The following RBBP8 variants were observed in gnomAD, a reference collection of about 807,000 sequenced individuals.
The protein encoded by RBBP8 is RB binding protein 8, endonuclease.
In RBBP8, 88 loss-of-function variants were observed where a neutral mutation model predicts 108.3. The ratio of observed to expected loss-of-function variants is 0.81; its 90% CI spans 0.68 to 0.97. RBBP8 has a LOEUF of 0.97. RBBP8 is among the 50% of genes least tolerant of loss of function. The pLI is 0.00. For missense variants in RBBP8, 1,023 were observed against 1,049.0 expected, an observed-to-expected ratio of 0.98 and a Z score of 0.34; for synonymous variants, 332 against 348.2, an observed-to-expected ratio of 0.95 and a Z score of 0.52.
At chr18:22,947,842 AT>A (rs1387398598) in intron 3 of RBBP8, among the ~76,000 whole-genome samples, 1 of 152,040 alleles carries the variant, frequency 6.6e-6, no homozygotes, top group Non-Finnish European at 1.5e-5. Flanking sequence ...TGACCTGAAT[AT>A]TTTATTAAGT....
chr18:22,996,362 C>T lies in RBBP8; in HGVS notation c.1940-12C>T. 1 of 1,612,956 alleles carries T rather than the reference C, an allele frequency of 6.2e-7. No individual in the cohort carries two copies. The highest frequency in any genetic ancestry group is 8.5e-7 in the Non-Finnish European group (1 of 1,179,700). Reference sequence around the variant, plus strand: ...CAGTTTTTTAATTGCATGCTCTTTCCCTTTACCTAAGATGTATCCTTTGAA... The same window carrying T: ...CAGTTTTTTAATTGCATGCTCTTTCTCTTTACCTAAGATGTATCCTTTGAA... On this transcript the variant is annotated splice_polypyrimidine_tract_variant and intron_variant, in intron 12 of 18. Coordinates refer to ENST00000327155, the MANE Select transcript of RBBP8 (RefSeq NM_002894.3).
At chr18:23,003,807 A>G (rs539793027) in intron 15 of RBBP8, among the ~76,000 whole-genome samples, 57 of 152,262 alleles carry the variant, frequency 3.7e-4, no homozygotes, top group Admixed American at 6.5e-4. Flanking sequence ...AAGATTCCTC[A>G]GAAAACTAAA....
At chr18:22,974,902 C>T (rs1272091052) in intron 5 of RBBP8, among the ~76,000 whole-genome samples, 1 of 152,178 alleles carries the variant, frequency 6.6e-6, no homozygotes. Flanking sequence ...GAAGTACCCT[C>T]TTTTGCCTGC....
rs183302344 is a variant in RBBP8 at position 22,942,882 on chromosome 18, C to T, written c.110-3562C>T. Reference sequence around the variant, plus strand: ...ATAAATGATCTTTTGCCTATGCCAGCGTCTGCTATTAACATCTAGCTAATA... The same window carrying T: ...ATAAATGATCTTTTGCCTATGCCAGTGTCTGCTATTAACATCTAGCTAATA... On this transcript the variant is annotated intron_variant, in intron 2 of 18. Transcript: ENST00000327155. 2.7e-3 allele frequency among the ~76,000 whole-genome samples: 407 copies of T among 152,068 alleles called. 6 individuals carry two copies. Among genetic ancestry groups the T allele is most frequent in the East Asian group, 0.021 (107 of 5,192 alleles).
upstream of RBBP8, among the ~76,000 whole-genome samples, chr18:22,928,509 A>C (rs1485437007): frequency 6.6e-6 from 1 of 152,156 alleles, no homozygotes; most frequent in East Asian, 1.9e-4. Flanking sequence ...AAAACATTGT[A>C]TGAGCCAAGA....
intron 2 of RBBP8, chr18:22,937,230 G>A (rs939932950): frequency 1.6e-4 from 73 of 445,700 alleles, no homozygotes; most frequent in Non-Finnish European, 2.7e-4. Context: ...CCTCATGTAG[G>A]TCCCAGTACC....
intron 4 of RBBP8, among the ~76,000 whole-genome samples, chr18:22,959,703 ATTGT>A (rs1167621282): frequency 6.7e-6 from 1 of 149,230 alleles, no homozygotes; most frequent in African/African-American, 2.5e-5. Flanking sequence ...TTATTTGTTG[ATTGT>A]TGCTGTATAT....
intron 4 of RBBP8, among the ~76,000 whole-genome samples, chr18:22,951,193 T>C (rs1305017459): frequency 2.6e-5 from 4 of 152,196 alleles, no homozygotes; most frequent in Admixed American, 2.6e-4. Context: ...CCTTGCTGTC[T>C]TAGGTGTTGC....
At chr18:22,914,909 G>C (rs2060668333) in intron 1 of RBBP8, among the ~76,000 whole-genome samples, 1 of 152,090 alleles carries the variant, frequency 6.6e-6, no homozygotes. Context: ...TATTAGGTCT[G>C]AAAAACTTTT....
chr18:22,968,971 A>G, intron 5 of RBBP8, 53 bp downstream of exon 5: 1 of 1,348,132 alleles, frequency 7.4e-7, no homozygotes. Flanking sequence ...ATTATTTTTA[A>G]GACCTATTAG....
chr18:22,931,887 A>AT (rs145319765), upstream of RBBP8, among the ~76,000 whole-genome samples: 3 of 152,086 alleles, frequency 2.0e-5, no homozygotes, highest in Non-Finnish European at 4.4e-5. Flanking sequence ...AGAAGTTCAA[A>AT]TTTTTTTCTG....
intron 4 of RBBP8, among the ~76,000 whole-genome samples, chr18:22,953,703 A>G (rs1165177218): frequency 2.0e-5 from 3 of 151,732 alleles, no homozygotes; most frequent in South Asian, 2.1e-4. Flanking sequence ...TCTCCTTCCC[A>G]TTAAATTACT....
Position 22,917,457 on chromosome 18 carries a change from T to C in RBBP8, c.-154+431T>C, listed in dbSNP as rs115564579. Among the ~76,000 whole-genome samples, 945 of 152,356 alleles carry C rather than the reference T, an allele frequency of 6.2e-3. 6 individuals carry two copies. The highest frequency in any genetic ancestry group is 0.022 in the African/African-American group (911 of 41,572). On this transcript the variant is annotated intron_variant, in intron 3 of 4. Transcript: ENST00000577588. ...AGTTAATACCATTCTTTCAGAGTTA[T>C]TGGAAGAATTAAATGAGATATCATG...
intron 16 of RBBP8, among the ~76,000 whole-genome samples, chr18:23,008,919 G>T (rs1179107572): frequency 6.6e-6 from 1 of 151,558 alleles, no homozygotes; most frequent in South Asian, 2.1e-4. Context: ...GACTACAGGC[G>T]CCCACCACCA....
chr18:22,977,942 T>C (rs1914606775), intron 6 of RBBP8: 1 of 152,210 alleles, frequency 6.6e-6, no homozygotes. Context: ...TTCATTCATG[T>C]GGCATTACTT....
At chr18:22,993,911 C>CTT in intron 12 of RBBP8, 64 bp downstream of exon 12, 1 of 1,497,146 alleles carries the variant, frequency 6.7e-7, no homozygotes, top group Non-Finnish European at 9.2e-7. Flanking sequence ...TCATTATTTA[C>CTT]TTTTTTAAAT....
chr18:22,980,965 C>T (rs1167564658), intron 6 of RBBP8, among the ~76,000 whole-genome samples: 92 of 69,488 alleles, frequency 1.3e-3, no homozygotes, highest in Middle Eastern at 0.017. Flanking sequence ...CCACTTATGT[C>T]TTTTTTTTTT....
At chr18:22,979,210 C>T (rs535067088) in intron 6 of RBBP8, among the ~76,000 whole-genome samples, 15 of 152,192 alleles carry the variant, frequency 9.9e-5, no homozygotes, top group East Asian at 5.8e-4. Context: ...GGTTGCAGTG[C>T]GCTGAGATCG....
chr18:22,964,115 A>G (rs1185903356), intron 4 of RBBP8, among the ~76,000 whole-genome samples: 1 of 151,914 alleles, frequency 6.6e-6, no homozygotes, highest in Non-Finnish European at 1.5e-5. Flanking sequence ...TTCCCCCACA[A>G]TCCCCACCAA....
Sources: allele counts gnomAD v4.1 joint callset (sites outside exome capture counted in the v4.1 genomes callset), GRCh38; gene constraint gnomAD v4.1.1; transcripts MANE v1.5; gene names NCBI Gene and HGNC (gene_info 2026-07-23, HGNC 2026-07-21).